SEM1: variants seen among roughly 807,000 people sequenced by gnomAD.
SEM1 encodes the protein SEM1 26S proteasome subunit, also known as 26S proteasome complex subunit SEM1.
A neutral mutation model predicts 12.7 loss-of-function variants in SEM1; 3 were observed. The observed-to-expected ratio is 0.24, with a 90% CI of 0.11 to 0.61. SEM1 has a LOEUF of 0.61. Ranked by LOEUF, SEM1 falls within the 20% of genes least tolerant of loss-of-function variation. The pLI, the probability that SEM1 is intolerant of heterozygous loss-of-function variation, is 0.88. For missense variants in SEM1, 59 were observed against 81.3 expected (o/e 0.73, Z 1.06); for synonymous variants, 30 against 27.8 (o/e 1.08, Z -0.25).
intron 2 of SEM1, among the ~76,000 whole-genome samples, chr7:96,542,759 GTT>G (rs879301618): frequency 5.9e-5 from 9 of 151,764 alleles, no homozygotes; most frequent in Non-Finnish European, 1.2e-4. Context: ...GTTTGTGAGA[GTT>G]TAAATTGCCA....
chr7:96,617,042 T>C (rs1807743074), intron 2 of SEM1, among the ~76,000 whole-genome samples: 1 of 152,150 alleles, frequency 6.6e-6, no homozygotes, highest in Non-Finnish European at 1.5e-5. Flanking sequence ...CTTTTTTTGG[T>C]TTCATACGAA....
At chr7:96,538,963 T>C (rs564120804) in intron 2 of SEM1, among the ~76,000 whole-genome samples, 1 of 151,988 alleles carries the variant, frequency 6.6e-6, no homozygotes, top group African/African-American at 2.4e-5. Flanking sequence ...CCTGCTATGG[T>C]TGCTATAAAT....
intron 2 of SEM1, among the ~76,000 whole-genome samples, chr7:96,518,317 A>G (rs1804161061): frequency 6.6e-6 from 1 of 152,202 alleles, no homozygotes; most frequent in South Asian, 2.1e-4. Flanking sequence ...AGCCTATATA[A>G]TAAACTGGAA....
intron 2 of SEM1, among the ~76,000 whole-genome samples, chr7:96,579,667 CT>C (rs1285440137): frequency 3.3e-5 from 5 of 152,294 alleles, no homozygotes; most frequent in African/African-American, 1.2e-4. Flanking sequence ...AATGTGAACT[CT>C]TTTTATAAGA....
chr7:96,537,392 C>G (rs1412759602), intron 2 of SEM1, among the ~76,000 whole-genome samples: 1 of 151,664 alleles, frequency 6.6e-6, no homozygotes, highest in Non-Finnish European at 1.5e-5. Flanking sequence ...AGTCAACTTT[C>G]TAACTTCTTT....
At chr7:96,634,452 C>T (rs1024913114) in intron 2 of SEM1, among the ~76,000 whole-genome samples, 15 of 151,802 alleles carry the variant, frequency 9.9e-5, no homozygotes, top group African/African-American at 3.4e-4. Flanking sequence ...AAATAATGCT[C>T]TAAGCACTAT....
At position 96,640,473 on chromosome 7, in the gene SEM1, G is replaced by GA; in HGVS notation, c.171-17831dup. ...ATTACCAAGTGAAGGAAGCTCATCT[G>GA]AAAATGCCACATACTGTATGATTCC... is the stretch of plus-strand genomic sequence containing the variant. On this transcript the variant is annotated intron_variant, in intron 2 of 2. Transcript: ENST00000417009. This position sits in a 1 kb window ranked among gnomAD's most constrained non-coding sequence, Gnocchi z 4.0. Among the ~76,000 whole-genome samples the GA allele has an allele frequency of 6.6e-6, 1 of 152,126 alleles. No individual in the cohort carries two copies. Among genetic ancestry groups the GA allele is most frequent in the African/African-American group, 2.4e-5 (1 of 41,550 alleles).
intron 2 of SEM1, among the ~76,000 whole-genome samples, chr7:96,601,374 G>A (rs10464592): frequency 0.35 from 52,728 of 152,022 alleles, 10,625 homozygotes; most frequent in East Asian, 0.65. Flanking sequence ...TTAGAAGGAG[G>A]ATGGGGTGGG....
intron 2 of SEM1, among the ~76,000 whole-genome samples, chr7:96,626,561 T>C (rs936097903): frequency 6.6e-6 from 1 of 152,116 alleles, no homozygotes; most frequent in Non-Finnish European, 1.5e-5. Flanking sequence ...TTTAATCCTT[T>C]ATTCTGTTGA....
chr7:96,585,806 A>G (rs564424154), intron 2 of SEM1, among the ~76,000 whole-genome samples: 50 of 152,230 alleles, frequency 3.3e-4, no homozygotes, highest in African/African-American at 1.2e-3. Context: ...GAGTGAGGCA[A>G]TGCCTCGCCC....
intron 2 of SEM1, among the ~76,000 whole-genome samples, chr7:96,656,306 T>G (rs543137286): frequency 6.6e-6 from 1 of 152,080 alleles, no homozygotes; most frequent in Non-Finnish European, 1.5e-5. Flanking sequence ...GCCTGACCAT[T>G]CTCTCCTCAC....
chr7:96,604,293 G>A (rs1265235486), intron 2 of SEM1, among the ~76,000 whole-genome samples: 1 of 152,176 alleles, frequency 6.6e-6, no homozygotes, highest in Non-Finnish European at 1.5e-5. Context: ...TGTATGGAAT[G>A]AAGCTGGCTT....
chr7:96,621,153 T>C (rs775513116), downstream of SEM1, among the ~76,000 whole-genome samples: 17 of 152,226 alleles, frequency 1.1e-4, no homozygotes, highest in Non-Finnish European at 2.4e-4. Context: ...TAGAAGTAGA[T>C]TGATTGTCCT....
intron 2 of SEM1, among the ~76,000 whole-genome samples, chr7:96,586,270 A>G (rs983637536): frequency 1.3e-5 from 2 of 152,208 alleles, no homozygotes; most frequent in African/African-American, 4.8e-5. Flanking sequence ...TCTTTCCTAC[A>G]GAATTCCAGC....
chr7:96,579,955 A>AT (rs35860100), intron 2 of SEM1, among the ~76,000 whole-genome samples: 130,552 of 151,368 alleles, frequency 0.86, 58,050 homozygotes, highest in Non-Finnish European at 0.98. Flanking sequence ...TCACCTTTCA[A>AT]TTTTTTTAAT....
intron 2 of SEM1, among the ~76,000 whole-genome samples, chr7:96,544,381 G>A (rs1304939870): frequency 6.6e-6 from 1 of 151,816 alleles, no homozygotes; most frequent in African/African-American, 2.4e-5. Context: ...TTTTAAATAG[G>A]ATTTTTATAA....
At chr7:96,663,640 A>G (rs1789078587) in intron 2 of SEM1, among the ~76,000 whole-genome samples, 4 of 152,182 alleles carry the variant, frequency 2.6e-5, no homozygotes, top group Admixed American at 2.6e-4. Flanking sequence ...GGTGTGGCTA[A>G]TGAAGGATGT....
At chr7:96,595,171 T>C (rs1284960772) in intron 2 of SEM1, among the ~76,000 whole-genome samples, 1 of 152,144 alleles carries the variant, frequency 6.6e-6, no homozygotes, top group Non-Finnish European at 1.5e-5. Context: ...ATATTTTTTT[T>C]AATCAATGAT....
At chr7:96,635,415 A>G (rs1396510243) in intron 2 of SEM1, among the ~76,000 whole-genome samples, 1 of 152,172 alleles carries the variant, frequency 6.6e-6, no homozygotes, top group Non-Finnish European at 1.5e-5. Context: ...GCCAAGGCAC[A>G]AATGAGCATG....
Sources: allele counts gnomAD v4.1 joint callset (sites outside exome capture counted in the v4.1 genomes callset), GRCh38; gene constraint gnomAD v4.1.1; non-coding constraint Gnocchi (gnomAD v3.1); transcripts MANE v1.5; gene names NCBI Gene and HGNC (gene_info 2026-07-23, HGNC 2026-07-21).